PTPRZ1: variants seen among roughly 807,000 people sequenced by gnomAD.
The protein encoded by PTPRZ1 is protein tyrosine phosphatase receptor type Z1.
Under a neutral mutation model 214.1 loss-of-function variants are expected in PTPRZ1, and 82 were observed. The observed-to-expected ratio is 0.38, with a 90% CI of 0.32 to 0.46. The LOEUF (loss-of-function observed/expected upper bound fraction) is 0.46, where lower values mean the gene tolerates loss of function less well. Ranked by LOEUF, PTPRZ1 falls within the 20% of genes least tolerant of loss-of-function variation. The pLI, the probability that PTPRZ1 is intolerant of heterozygous loss-of-function variation, is 1.00. For missense variants in PTPRZ1, 2,603 were observed against 2,748.7 expected (o/e 0.95, Z 1.19); for synonymous variants, 945 against 987.9 (o/e 0.96, Z 0.81).
chr7:121,884,663 G>A (rs986629169), intron 1 of PTPRZ1, among the ~76,000 whole-genome samples: 1 of 152,140 alleles, frequency 6.6e-6, no homozygotes, highest in African/African-American at 2.4e-5. Context: ...AACATTTACT[G>A]TGTGCTCCAC....
chr7:121,878,969 G>A (rs1316435990), intron 1 of PTPRZ1, among the ~76,000 whole-genome samples: 1 of 152,082 alleles, frequency 6.6e-6, no homozygotes, highest in Non-Finnish European at 1.5e-5. Context: ...TCTCAGTCCG[G>A]GAGTAAGGTC....
intron 1 of PTPRZ1, among the ~76,000 whole-genome samples, chr7:121,906,059 T>G (rs1005063694): frequency 2.0e-5 from 3 of 152,238 alleles, no homozygotes; most frequent in Admixed American, 1.3e-4. Flanking sequence ...TACTCTTACC[T>G]TCCCTGTAAT....
intron 2 of PTPRZ1, among the ~76,000 whole-genome samples, chr7:121,942,014 C>A (rs929997865): frequency 2.0e-5 from 3 of 152,268 alleles, no homozygotes; most frequent in Non-Finnish European, 2.9e-5. Context: ...ACTTTGCATT[C>A]GTTTCACAAT....
chr7:121,942,940 C>G (rs1409471971), intron 2 of PTPRZ1, among the ~76,000 whole-genome samples: 2 of 152,254 alleles, frequency 1.3e-5, no homozygotes, highest in East Asian at 3.9e-4. Context: ...GTTTTTTAAC[C>G]ATATTTGGAC....
At chr7:122,014,377 A>G (rs561331571) in intron 12 of PTPRZ1, among the ~76,000 whole-genome samples, 3 of 152,178 alleles carry the variant, frequency 2.0e-5, no homozygotes, top group East Asian at 1.9e-4. Flanking sequence ...TGTAGAAAGG[A>G]ATTAGTTAAT....
At chr7:121,923,751 T>C (rs1479536875) in intron 1 of PTPRZ1, among the ~76,000 whole-genome samples, 1 of 151,960 alleles carries the variant, frequency 6.6e-6, no homozygotes, top group Non-Finnish European at 1.5e-5. Flanking sequence ...TAGGGAGTTA[T>C]CAAGGAAAAC....
chr7:121,918,855 A>AT (rs67176649), intron 1 of PTPRZ1, among the ~76,000 whole-genome samples: 2,641 of 151,688 alleles, frequency 0.017, 73 homozygotes, highest in African/African-American at 0.06. Flanking sequence ...TTTCAAAAAA[A>AT]ATCAATAAAT....
intron 2 of PTPRZ1, among the ~76,000 whole-genome samples, chr7:121,956,702 G>A (rs181355651): frequency 6.6e-6 from 1 of 152,346 alleles, no homozygotes; most frequent in East Asian, 1.9e-4. Context: ...AGGGAGTTAA[G>A]TCTATGCTGG....
intron 1 of PTPRZ1, among the ~76,000 whole-genome samples, chr7:121,885,748 A>G (rs1794376182): frequency 6.6e-6 from 1 of 152,184 alleles, no homozygotes; most frequent in Non-Finnish European, 1.5e-5. Flanking sequence ...ATTTGGAAGG[A>G]GCTTTTCAAG....
chr7:121,967,240 T>G lies in PTPRZ1; in HGVS notation c.125-711T>G, dbSNP rs79227900. On this transcript the variant is annotated intron_variant, in intron 2 of 29. Coordinates refer to ENST00000393386, the MANE Select transcript of PTPRZ1 (RefSeq NM_002851.3). ...TTAGTTTATTTTAAGCAAAAATCTT[T>G]ATAGAAATCCCTGTTTTGCTTTTCT... Among the ~76,000 whole-genome samples, 1,390 of 152,298 alleles carry G rather than the reference T, an allele frequency of 9.1e-3. 16 individuals are homozygous for G. The highest frequency in any genetic ancestry group is 0.031 in the African/African-American group (1,287 of 41,580).
chr7:121,974,216 T>C (rs1316971115), intron 4 of PTPRZ1, among the ~76,000 whole-genome samples: 1 of 152,178 alleles, frequency 6.6e-6, no homozygotes, highest in Non-Finnish European at 1.5e-5. Context: ...ATTTTTTCTT[T>C]ATTCAATATT....
intron 1 of PTPRZ1, among the ~76,000 whole-genome samples, chr7:121,881,414 G>A (rs955456137): frequency 6.6e-6 from 1 of 152,170 alleles, no homozygotes; most frequent in African/African-American, 2.4e-5. Context: ...ATCAAATCAA[G>A]TACTTCATAA....
intron 1 of PTPRZ1, among the ~76,000 whole-genome samples, chr7:121,923,319 T>A (rs1795656095): frequency 6.6e-6 from 1 of 152,208 alleles, no homozygotes; most frequent in Non-Finnish European, 1.5e-5. Context: ...CTTTAGTAAC[T>A]TCTTTAAAGG....
At chr7:121,885,211 C>T (rs1794363360) in intron 1 of PTPRZ1, among the ~76,000 whole-genome samples, 1 of 152,124 alleles carries the variant, frequency 6.6e-6, no homozygotes, top group African/African-American at 2.4e-5. Context: ...CAACACCAAC[C>T]ACTAGAAAAA....
At chr7:121,947,982 A>G (rs1227078416) in intron 2 of PTPRZ1, among the ~76,000 whole-genome samples, 1 of 152,148 alleles carries the variant, frequency 6.6e-6, no homozygotes, top group Non-Finnish European at 1.5e-5. Context: ...TTTAGTGACC[A>G]TATTTCCCCT....
chr7:121,983,639 C>G, intron 6 of PTPRZ1, 26 bp from the exon 7 acceptor site: 2 of 1,580,326 alleles, frequency 1.3e-6, no homozygotes, highest in South Asian at 1.2e-5. Flanking sequence ...GAGATTCCAG[C>G]TGAGATGTAT....
At chr7:121,947,000 A>T (rs1796399844) in intron 2 of PTPRZ1, among the ~76,000 whole-genome samples, 1 of 152,178 alleles carries the variant, frequency 6.6e-6, no homozygotes, top group African/African-American at 2.4e-5. Context: ...TGTGTTACTG[A>T]ATGGAAACTT....
chr7:121,876,088 A>G (rs1255694098), intron 1 of PTPRZ1, among the ~76,000 whole-genome samples: 1 of 152,236 alleles, frequency 6.6e-6, no homozygotes, highest in Non-Finnish European at 1.5e-5. Flanking sequence ...CTTAGTGATC[A>G]GATCAGATCA....
intron 12 of PTPRZ1, among the ~76,000 whole-genome samples, chr7:122,018,854 G>A (rs928263309): frequency 5.3e-5 from 8 of 151,998 alleles, no homozygotes; most frequent in African/African-American, 1.4e-4. Flanking sequence ...GGCTTTTCAA[G>A]GCAATATTAT....
Sources: gnomAD v4.1 joint callset for allele counts (sites outside exome capture counted in the v4.1 genomes callset) on GRCh38, gnomAD v4.1.1 for gene constraint, MANE v1.5 for transcripts, NCBI Gene and HGNC (gene_info 2026-07-23, HGNC 2026-07-21) for gene names.